Variants in KCNH1 observed in about 807,000 individuals in gnomAD.
The protein encoded by KCNH1 is voltage-gated delayed rectifier potassium channel KCNH1.
KCNH1 carries 27 observed loss-of-function variants against 69.2 expected under a neutral mutation model. That is an observed-to-expected ratio of 0.39 (90% confidence interval 0.29 to 0.54). KCNH1 has a LOEUF of 0.54. KCNH1 is among the 20% of genes least tolerant of loss of function. The pLI, the probability that KCNH1 is intolerant of heterozygous loss-of-function variation, is 0.68. For synonymous variants in KCNH1, 456 were observed against 487.7 expected, an observed-to-expected ratio of 0.93 and a Z score of 0.86; for missense variants, 798 against 1,261.6, an observed-to-expected ratio of 0.63 and a Z score of 5.57.
At chr1:210,869,638 C>T (rs1686193945) in intron 7 of KCNH1, among the ~76,000 whole-genome samples, 2 of 151,844 alleles carry the variant, frequency 1.3e-5, no homozygotes, top group African/African-American at 2.4e-5. Context: ...CTCTTACTGG[C>T]AGTTAACTTA....
chr1:210,947,208 T>C (rs1419340479), intron 6 of KCNH1, among the ~76,000 whole-genome samples: 1 of 152,186 alleles, frequency 6.6e-6, no homozygotes, highest in Non-Finnish European at 1.5e-5. Flanking sequence ...AGAGTTATCT[T>C]CTTCCTTACA....
At chr1:210,705,122 G>T (rs1399754446) in intron 10 of KCNH1, among the ~76,000 whole-genome samples, 5 of 152,142 alleles carry the variant, frequency 3.3e-5, no homozygotes, top group Non-Finnish European at 7.4e-5. Flanking sequence ...AAGAAAGAAA[G>T]ACACATTTCA....
intron 7 of KCNH1, among the ~76,000 whole-genome samples, chr1:210,821,379 T>C (rs1458543961): frequency 6.6e-6 from 1 of 152,204 alleles, no homozygotes; most frequent in South Asian, 2.1e-4. Flanking sequence ...GAGAATCCAC[T>C]CATGTAGACC....
rs1691929789 is a variant in KCNH1, at chr1:211,134,044, C to A, written c.-99G>T. The stretch of plus-strand genomic sequence containing the variant: ...CCGCACGCAGTCCCGGCTCGAAGCG[C>A]CCCATGCGCCCGGCGGGGATCCGCA... On this transcript the variant is annotated 5_prime_UTR_variant, in exon 1 of 11. Transcript: ENST00000271751. The surrounding 1 kb of genome is among the most constrained non-coding windows in gnomAD (Gnocchi z 5.7). The A allele has an allele frequency of 2.0e-6, 2 of 1,005,222 alleles. No individual in the cohort carries two copies. The highest frequency in any genetic ancestry group is 2.1e-5 in the Admixed American group (1 of 48,122). The allele number at this position is 1,005,222 out of a possible 1,614,324, so 62.3% of individuals were successfully genotyped here.
At chr1:210,946,033 G>A (rs1163142653) in intron 6 of KCNH1, among the ~76,000 whole-genome samples, 44 of 152,210 alleles carry the variant, frequency 2.9e-4, no homozygotes, top group Non-Finnish European at 4.4e-5. Flanking sequence ...TGCCAGTATA[G>A]CAGGCTGTCA....
At chr1:210,753,273 C>T (rs1380081177) in intron 10 of KCNH1, among the ~76,000 whole-genome samples, 1 of 152,138 alleles carries the variant, frequency 6.6e-6, no homozygotes, top group Admixed American at 6.5e-5. Context: ...AAGTAGCCAC[C>T]AATATGATGG....
intron 1 of KCNH1, among the ~76,000 whole-genome samples, chr1:211,124,632 GA>G (rs2102500365): frequency 6.6e-6 from 1 of 151,490 alleles, no homozygotes; most frequent in African/African-American, 2.4e-5. Context: ...GAAAGAAAGA[GA>G]GAGAGAGAGA....
intron 10 of KCNH1, among the ~76,000 whole-genome samples, chr1:210,756,942 C>T (rs937016875): frequency 1.3e-5 from 2 of 152,204 alleles, no homozygotes; most frequent in Non-Finnish European, 2.9e-5. Context: ...AGGCTCTCTT[C>T]CTAGGTTCTT....
At chr1:211,058,382 T>C (rs1217745411) in intron 5 of KCNH1, among the ~76,000 whole-genome samples, 1 of 152,014 alleles carries the variant, frequency 6.6e-6, no homozygotes, top group Non-Finnish European at 1.5e-5. Flanking sequence ...GTTGAACCAA[T>C]AAAAAATGGT....
Position 211,107,301 on chromosome 1 carries a change from C to G in KCNH1, c.156G>C (p.Leu52=). 1.9e-6 allele frequency: 3 copies of G among 1,613,252 alleles called. No homozygotes were observed. The highest frequency in any genetic ancestry group is 2.2e-5 in the East Asian group (1 of 44,840). Residue 52 remains leucine (L), a synonymous_variant, in exon 2 of 11, where the codon CTG becomes CTC. Transcript: ENST00000271751. ...IVYSNDGFCK[L]SGYHRAEVMQ... is the part of the protein sequence containing the mutation. ...TCACTTCTGCCCTGTGATAGCCAGA[C>G]AGCTTGCAAAATCCATCATTGCTGT... is the stretch of plus-strand genomic sequence containing the variant.
At position 210,952,414 on chromosome 1, in the gene KCNH1, T is replaced by C. The variant is rs181234022; in HGVS notation, c.1033-32345A>G. On this transcript the variant is annotated intron_variant, in intron 6 of 10. Coordinates refer to ENST00000271751, the MANE Select transcript of KCNH1 (RefSeq NM_172362.3). ...GCAGAGATTTATGGAGTCCTTACTA[T>C]GTGCAGGTGCTGATCTAAGCACAAA... Among the ~76,000 whole-genome samples, 6 of 152,336 alleles carry C rather than the reference T, an allele frequency of 3.9e-5. No homozygotes were observed. In the East Asian group the frequency reaches 5.8e-4, roughly 15 times the overall value.
intron 7 of KCNH1, among the ~76,000 whole-genome samples, chr1:210,841,475 T>TAA (rs1685408676): frequency 6.6e-6 from 1 of 152,110 alleles, no homozygotes; most frequent in African/African-American, 2.4e-5. Context: ...CTGGGAAAAA[T>TAA]AATTAATTGC....
At chr1:210,854,846 G>C (rs1357139183) in intron 7 of KCNH1, among the ~76,000 whole-genome samples, 2 of 152,184 alleles carry the variant, frequency 1.3e-5, no homozygotes, top group Non-Finnish European at 2.9e-5. Context: ...TGTTCTGCTA[G>C]CACCATGGAG....
intron 6 of KCNH1, among the ~76,000 whole-genome samples, chr1:210,997,566 G>A (rs1689076073): frequency 6.6e-6 from 1 of 152,198 alleles, no homozygotes; most frequent in African/African-American, 2.4e-5. Flanking sequence ...AGGGAGAATG[G>A]AACCAAGTTG....
chr1:211,053,725 T>C (rs879129642), intron 5 of KCNH1, among the ~76,000 whole-genome samples: 3 of 152,060 alleles, frequency 2.0e-5, no homozygotes, highest in Non-Finnish European at 2.9e-5. Flanking sequence ...GTTTGTGACA[T>C]TGATAAACTC....
At chr1:211,039,682 C>T (rs777908915) in intron 5 of KCNH1, among the ~76,000 whole-genome samples, 11 of 152,182 alleles carry the variant, frequency 7.2e-5, no homozygotes, top group Non-Finnish European at 1.2e-4. Flanking sequence ...TTGACTGCCC[C>T]GCTGGATTTC....
intron 3 of KCNH1, among the ~76,000 whole-genome samples, chr1:211,100,440 C>T (rs1373940855): frequency 6.6e-6 from 1 of 152,098 alleles, no homozygotes; most frequent in Non-Finnish European, 1.5e-5. Flanking sequence ...GCAACCTCTG[C>T]CTCTGGAGTT....
At chr1:210,934,008 A>C (rs991154128) in intron 6 of KCNH1, among the ~76,000 whole-genome samples, 2 of 152,228 alleles carry the variant, frequency 1.3e-5, no homozygotes, top group Admixed American at 1.3e-4. Context: ...CTAGACTCCT[A>C]TCTCTCACTA....
At chr1:211,007,295 C>T (rs926777311) in intron 6 of KCNH1, among the ~76,000 whole-genome samples, 1 of 152,130 alleles carries the variant, frequency 6.6e-6, no homozygotes, top group African/African-American at 2.4e-5. Flanking sequence ...ACACAGACTC[C>T]CAATCATTGT....
Sources: allele counts gnomAD v4.1 joint callset (sites outside exome capture counted in the v4.1 genomes callset), GRCh38; gene constraint gnomAD v4.1.1; non-coding constraint Gnocchi (gnomAD v3.1); transcripts MANE v1.5; gene names NCBI Gene and HGNC (gene_info 2026-07-23, HGNC 2026-07-21).